HGF: variants seen among roughly 807,000 people sequenced by gnomAD.
HGF encodes hepatocyte growth factor, also known as fibroblast-derived tumor cytotoxic factor.
In HGF, 39 loss-of-function variants were observed where a neutral mutation model predicts 111.6. The ratio of observed to expected loss-of-function variants is 0.35; its 90% CI spans 0.27 to 0.46. The LOEUF (loss-of-function observed/expected upper bound fraction) is 0.46. Ranked by LOEUF, HGF falls within the 20% of genes least tolerant of loss-of-function variation. The pLI is 1.00. For missense variants in HGF, 735 were observed against 910.5 expected, an observed-to-expected ratio of 0.81 and a Z score of 2.48; for synonymous variants, 285 against 294.8, an observed-to-expected ratio of 0.97 and a Z score of 0.34.
At chr7:81,730,175 A>G (rs975086563) in intron 7 of HGF, among the ~76,000 whole-genome samples, 2 of 152,140 alleles carry the variant, frequency 1.3e-5, no homozygotes, top group Non-Finnish European at 2.9e-5. Flanking sequence ...CTGGCCAGGT[A>G]TGGTGGCTTA....
At chr7:81,758,432 C>T (rs533685869) in intron 3 of HGF, among the ~76,000 whole-genome samples, 1 of 151,042 alleles carries the variant, frequency 6.6e-6, no homozygotes, top group Admixed American at 6.6e-5. Flanking sequence ...GGAGATGCTC[C>T]AAAAAAATAA....
At chr7:81,722,241 TTC>T (rs1202137092) in intron 9 of HGF, among the ~76,000 whole-genome samples, 1 of 151,986 alleles carries the variant, frequency 6.6e-6, no homozygotes, top group African/African-American at 2.4e-5. Context: ...GGTTTTCTAT[TTC>T]TCTTTTTTTA....
chr7:81,716,064 A>G (rs1789704565), intron 11 of HGF, among the ~76,000 whole-genome samples: 1 of 152,164 alleles, frequency 6.6e-6, no homozygotes, highest in African/African-American at 2.4e-5. Context: ...TCAATAACAT[A>G]TTTAAGACGT....
chr7:81,714,254 A>T (rs1006652572), intron 11 of HGF, among the ~76,000 whole-genome samples: 6 of 152,074 alleles, frequency 3.9e-5, no homozygotes, highest in East Asian at 3.8e-4. Flanking sequence ...TATACTATGA[A>T]CTATTTAAAA....
intron 7 of HGF, among the ~76,000 whole-genome samples, chr7:81,740,591 G>A (rs1438959928): frequency 6.6e-6 from 1 of 152,226 alleles, no homozygotes; most frequent in African/African-American, 2.4e-5. Flanking sequence ...AGGCAGGACT[G>A]ACCTAATTAG....
intron 7 of HGF, among the ~76,000 whole-genome samples, chr7:81,741,154 C>G (rs1377253399): frequency 2.0e-5 from 3 of 152,138 alleles, no homozygotes; most frequent in Non-Finnish European, 4.4e-5. Context: ...ATAGTCATAT[C>G]TATATCTCTT....
chr7:81,712,217 G>A (rs1789590320), intron 11 of HGF, among the ~76,000 whole-genome samples: 1 of 151,920 alleles, frequency 6.6e-6, no homozygotes. Flanking sequence ...TAGCACTCGT[G>A]TTCATTATTG....
At chr7:81,707,179 C>A (rs1789450365) in intron 14 of HGF, 111 bp downstream of exon 14, 2 of 700,056 alleles carry the variant, frequency 2.9e-6, no homozygotes, top group Non-Finnish European at 2.6e-6. Context: ...AATTTGTTCA[C>A]CCCATTTGTG....
intron 5 of HGF, 82 bp downstream of exon 5, chr7:81,752,038 G>T: frequency 6.3e-7 from 1 of 1,577,622 alleles, no homozygotes; most frequent in Non-Finnish European, 8.6e-7. Flanking sequence ...TGATTGATTC[G>T]TTGCTGTTAA....
intron 5 of HGF, among the ~76,000 whole-genome samples, chr7:81,746,187 G>A (rs1322269163): frequency 6.6e-6 from 1 of 152,160 alleles, no homozygotes. Flanking sequence ...ATCTAATAGG[G>A]ACATTAACTA....
chr7:81,721,714 T>C (rs190069481), intron 9 of HGF, among the ~76,000 whole-genome samples: 93 of 152,366 alleles, frequency 6.1e-4, no homozygotes, highest in African/African-American at 2.2e-3. Flanking sequence ...TTGTCCTTTT[T>C]AGAGCATAAC....
intron 13 of HGF, among the ~76,000 whole-genome samples, chr7:81,709,722 A>C (rs572865780): frequency 3.9e-5 from 6 of 152,358 alleles, no homozygotes; most frequent in Admixed American, 6.5e-5. Flanking sequence ...GGAAAAAGTC[A>C]GAAATTAAAA....
chr7:81,726,764 C>A (rs1790023119), intron 8 of HGF, among the ~76,000 whole-genome samples: 1 of 151,776 alleles, frequency 6.6e-6, no homozygotes, highest in Admixed American at 6.6e-5. Flanking sequence ...AGAAAAAAAT[C>A]TATGCTAATA....
At chr7:81,713,441 G>A (rs1221220517) in intron 11 of HGF, among the ~76,000 whole-genome samples, 4 of 151,390 alleles carry the variant, frequency 2.6e-5, no homozygotes, top group South Asian at 4.2e-4. Context: ...CAGGAGAATC[G>A]CTTAAACCTG....
intron 1 of HGF, among the ~76,000 whole-genome samples, chr7:81,767,367 C>G (rs1360758392): frequency 6.6e-6 from 1 of 151,570 alleles, no homozygotes; most frequent in African/African-American, 2.4e-5. Context: ...CCTTAACTCA[C>G]AAAGAAATAA....
intron 7 of HGF, among the ~76,000 whole-genome samples, chr7:81,741,175 AT>A (rs1037604999): frequency 1.3e-5 from 2 of 152,134 alleles, no homozygotes; most frequent in African/African-American, 4.8e-5. Context: ...TCATATATGT[AT>A]TTTTTAAACT....
In HGF at chr7:81,758,794, A is replaced by C. The variant is rs1224276213; in HGVS notation, c.265T>G (p.Phe89Val). ...AGGCATTGTTTTCTTGCTTTATCAA[A>C]AACAAAAGCCCTGAAAAAAATATCA... ...GLPFTCKAFVFDKARKQCLWF... is the reference protein window; with the variant it reads ...GLPFTCKAFVVDKARKQCLWF... The change falls in exon 3 of 18, where the codon TTT (phenylalanine) becomes GTT (valine). Residue 89 changes from phenylalanine (F) to valine (V), a missense_variant. Around this residue, in one of 3 missense-constraint regions of HGF, gnomAD observed 553 missense variants for 685.6 expected, o/e 0.81. Coordinates refer to ENST00000222390, the MANE Select transcript of HGF (RefSeq NM_000601.6). 1 of 1,608,960 alleles carries C rather than the reference A, an allele frequency of 6.2e-7. No individual in the cohort carries two copies. Among genetic ancestry groups the C allele is most frequent in the South Asian group, 1.1e-5 (1 of 90,982 alleles).
At chr7:81,703,116 ATCT>A (rs1789329687) in intron 17 of HGF, among the ~76,000 whole-genome samples, 1 of 151,690 alleles carries the variant, frequency 6.6e-6, no homozygotes, top group African/African-American at 2.4e-5. Context: ...ATTTATTTTG[ATCT>A]TCTTATGTTC....
At chr7:81,721,189 G>A (rs1344058119) in intron 9 of HGF, among the ~76,000 whole-genome samples, 1 of 152,158 alleles carries the variant, frequency 6.6e-6, no homozygotes, top group African/African-American at 2.4e-5. Context: ...GGAGCTTGCC[G>A]TGAGCCGAGA....
Sources: gnomAD v4.1 joint callset for allele counts (sites outside exome capture counted in the v4.1 genomes callset) on GRCh38, gnomAD v4.1.1 for gene constraint, gnomAD v4.1.1 regional missense constraint, MANE v1.5 for transcripts, NCBI Gene and HGNC (gene_info 2026-07-23, HGNC 2026-07-21) for gene names.